Variants in OR14A16 observed in about 807,000 individuals in gnomAD.
The protein encoded by OR14A16 is olfactory receptor 14A16.
For synonymous variants in OR14A16, 135 were observed against 137.6 expected (o/e 0.98, Z 0.13); for missense variants, 341 against 366.5 (o/e 0.93, Z 0.57).
chr1:247,823,253 G>A (rs1662775519), intron 1 of OR14A16, among the ~76,000 whole-genome samples: 1 of 152,178 alleles, frequency 6.6e-6, no homozygotes, highest in African/African-American at 2.4e-5. Flanking sequence ...GTTTTGGGAG[G>A]CAAAGGTGGA....
rs1662603431 is a variant in OR14A16, at chr1:247,815,644, A to C, written c.86T>G (p.Phe29Cys). ...KNMCILHSIL[F>C]LLIYLCALMG... Reference sequence around the variant, plus strand: ...CAGGGCACACAAATAAATCAACAAGAAGAGAATCGAATGCAAAATGCACAT... The same window carrying C: ...CAGGGCACACAAATAAATCAACAAGCAGAGAATCGAATGCAAAATGCACAT... The change falls in exon 3 of 3, where the codon TTC becomes TGC. Residue 29 changes from phenylalanine (F) to cysteine (C), a missense_variant. Coordinates refer to ENST00000641093, the MANE Select transcript of OR14A16 (RefSeq NM_001001966.2). 2 of 1,611,082 alleles carry C rather than the reference A, an allele frequency of 1.2e-6. No homozygotes were observed.
At chr1:247,823,864 TAAAA>T (rs1662791129) in intron 1 of OR14A16, 85 bp downstream of exon 1, 1 of 147,160 alleles carries the variant, frequency 6.8e-6, no homozygotes, top group Admixed American at 6.6e-5. Flanking sequence ...AGCAAAAATA[TAAAA>T]ATAAATAAAA....
intron 1 of OR14A16, among the ~76,000 whole-genome samples, chr1:247,823,249 G>A (rs944045818): frequency 6.6e-6 from 1 of 152,102 alleles, no homozygotes; most frequent in Non-Finnish European, 1.5e-5. Context: ...CAATGTTTTG[G>A]GAGGCAAAGG....
chr1:247,822,482 A>G (rs1349622219), intron 1 of OR14A16, among the ~76,000 whole-genome samples: 3 of 23,826 alleles, frequency 1.3e-4, no homozygotes, highest in Non-Finnish European at 2.0e-4. Flanking sequence ...ACTTGCACCA[A>G]GGGCTCTTGG....
Position 247,815,510 on chromosome 1 carries a change from CTG to C in OR14A16, c.218_219del (p.Ser73CysfsTer46), listed in dbSNP as rs1491138041. ...TTGGCGATAGATTTGGGAGCCGTGA[CTG>C]AAATAAGGCAGAGATCCAAGAAAGA... is the stretch of plus-strand genomic sequence containing the variant. ...NLSFLDLCLI[S>X]VTAPKSIANS... On this transcript the variant is annotated frameshift_variant, in exon 3 of 3. Coordinates refer to ENST00000641093, the MANE Select transcript of OR14A16 (RefSeq NM_001001966.2). LOFTEE classifies it low-confidence loss of function (END_TRUNC). 1.4e-5 allele frequency: 22 copies of C among 1,613,878 alleles called. No individual in the cohort carries two copies. The highest frequency in any genetic ancestry group is 1.9e-5 in the Non-Finnish European group (22 of 1,179,920).
intron 2 of OR14A16, among the ~76,000 whole-genome samples, chr1:247,817,216 G>A (rs1199338423): frequency 6.6e-6 from 1 of 151,622 alleles, no homozygotes; most frequent in African/African-American, 2.4e-5. Flanking sequence ...TTTAAATATT[G>A]TGCCTGTTCT....
intron 1 of OR14A16, 26 bp downstream of exon 1, chr1:247,823,927 A>G (rs1662792068): frequency 6.6e-6 from 1 of 152,222 alleles, no homozygotes; most frequent in Non-Finnish European, 1.5e-5. Flanking sequence ...GATAAGCTGT[A>G]AAATTTAATA....
At chr1:247,822,505 G>A (rs980398) in intron 1 of OR14A16, among the ~76,000 whole-genome samples, 87,171 of 151,322 alleles carry the variant, frequency 0.58, 28,722 homozygotes, top group East Asian at 0.98. Context: ...TTTTGGCCTT[G>A]GACTTAGGGC....
Position 247,815,389 on chromosome 1 carries a change from G to A in OR14A16, c.341C>T (p.Thr114Met), listed in dbSNP as rs193920961. Residue 114 changes from threonine (T) to methionine (M), a missense_variant, in exon 3 of 3, where the codon ACG (threonine) becomes ATG (methionine). By Grantham distance (81) the Thr-to-Met change is moderately conservative (BLOSUM62 -1). Transcript: ENST00000641093. ...SSASAELLLL[T>M]VMSFDRYTAI... is the part of the protein sequence containing the mutation. ...AGTATAGCGGTCAAAGGACATCACC[G>A]TGAGGAGGAGCAGCTCTGCAGATGC... 7.4e-6 allele frequency: 12 copies of A among 1,613,828 alleles called. No homozygotes were observed. The highest frequency in any genetic ancestry group is 4.4e-5 in the South Asian group (4 of 91,080).
intron 2 of OR14A16, 29 bp from the exon 3 acceptor site, chr1:247,815,773 A>G: frequency 1.1e-6 from 1 of 915,460 alleles, no homozygotes; most frequent in South Asian, 1.6e-5. Context: ...ACTGAAGTAA[A>G]ATATCAATGT....
At chr1:247,818,850 A>G (rs1216910604) in intron 2 of OR14A16, among the ~76,000 whole-genome samples, 4 of 152,162 alleles carry the variant, frequency 2.6e-5, no homozygotes, top group African/African-American at 9.6e-5. Flanking sequence ...AAAATAAGAG[A>G]ATGGAATTGG....
chr1:247,820,792 G>A (rs1303723966), intron 1 of OR14A16, among the ~76,000 whole-genome samples: 3 of 151,576 alleles, frequency 2.0e-5, no homozygotes, highest in South Asian at 2.1e-4. Flanking sequence ...CTTGGGAGGC[G>A]GAGGTTGCAG....
At chr1:247,822,047 T>G (rs1662749227) in intron 1 of OR14A16, among the ~76,000 whole-genome samples, 2 of 152,196 alleles carry the variant, frequency 1.3e-5, no homozygotes, top group Admixed American at 1.3e-4. Context: ...TCATTTTAAG[T>G]CTCTTATATC....
At chr1:247,823,573 G>A (rs891858388) in intron 1 of OR14A16, among the ~76,000 whole-genome samples, 9 of 152,168 alleles carry the variant, frequency 5.9e-5, no homozygotes, top group East Asian at 3.9e-4. Flanking sequence ...AAATAATACC[G>A]TAAGTGCTGC....
Position 247,814,767 on chromosome 1 carries a change from T to C in OR14A16, c.*33A>G, listed in dbSNP as rs769648961. 8.6e-7 allele frequency: 1 copy of C among 1,159,314 alleles called. No homozygotes were observed. Among genetic ancestry groups the C allele is most frequent in the East Asian group, 2.4e-5 (1 of 41,902 alleles). 71.8% of individuals were successfully genotyped at this position (1,159,314 alleles called of 1,614,324 possible). The stretch of plus-strand genomic sequence containing the variant: ...ATTAATGTGTGTACATTATAAATGG[T>C]ATCTATTATTGAAAGAAGAAAAGCA... On this transcript the variant is annotated 3_prime_UTR_variant, in exon 3 of 3. Transcript: ENST00000641093.
rs1372636615 is a variant in OR14A16, at chr1:247,815,113, A to G, written c.617T>C (p.Phe206Ser). 6.2e-7 allele frequency: 1 copy of G among 1,613,804 alleles called. No homozygotes were observed. Among genetic ancestry groups the G allele is most frequent in the South Asian group, 1.1e-5 (1 of 91,066 alleles). Reference protein sequence around the residue: ...ALILINVVLDFCCFIVIIITY... With the variant: ...ALILINVVLDSCCFIVIIITY... ...AATGATGATGACAATAAAACAGCAG[A>G]AATCCAAAACTACATTAATAAGGAT... The change falls in exon 3 of 3, where the codon TTC (phenylalanine) becomes TCC (serine). Residue 206 changes from phenylalanine to serine, a missense_variant. Physicochemically the swap from Phe to Ser is radical, Grantham distance 155. Coordinates refer to ENST00000641093, the MANE Select transcript of OR14A16 (RefSeq NM_001001966.2).
intron 1 of OR14A16, among the ~76,000 whole-genome samples, chr1:247,819,780 C>T (rs1662696903): frequency 6.6e-6 from 1 of 152,050 alleles, no homozygotes. Context: ...GCATAAAATG[C>T]CCTGTTGAAT....
At chr1:247,818,007 G>A (rs1425063498) in intron 2 of OR14A16, among the ~76,000 whole-genome samples, 1 of 152,000 alleles carries the variant, frequency 6.6e-6, no homozygotes, top group Non-Finnish European at 1.5e-5. Flanking sequence ...AGCTAATACT[G>A]CTACTTTGAA....
chr1:247,814,773 T>C lies in OR14A16; in HGVS notation c.*27A>G, dbSNP rs1489454418. The C allele has an allele frequency of 3.1e-6, 4 of 1,294,310 alleles. No homozygotes were observed. The African/African-American group carries it at 5.9e-5, about 19-fold the overall frequency. The allele number at this position is 1,294,310 out of a possible 1,614,324, so 80.2% of individuals were successfully genotyped here. On this transcript the variant is annotated 3_prime_UTR_variant, in exon 3 of 3. Transcript: ENST00000641093. ...GTGTGTACATTATAAATGGTATCTA[T>C]TATTGAAAGAAGAAAAGCAACAGCT...
Sources: allele counts gnomAD v4.1 joint callset (sites outside exome capture counted in the v4.1 genomes callset), GRCh38; gene constraint gnomAD v4.1.1; transcripts MANE v1.5; gene names NCBI Gene and HGNC (gene_info 2026-07-23, HGNC 2026-07-21).